The following TRAK1 variants were observed in gnomAD, a reference collection of about 807,000 sequenced individuals.
TRAK1 encodes trafficking kinesin protein 1.
TRAK1 carries 33 observed loss-of-function variants against 92.1 expected under a neutral mutation model. That is an observed-to-expected ratio of 0.36 (90% CI 0.27 to 0.48). The LOEUF (loss-of-function observed/expected upper bound fraction) is 0.48, where lower values mean the gene tolerates loss of function less well. TRAK1 is among the 20% of genes least tolerant of loss of function. TRAK1 has a pLI of 0.99. For missense variants in TRAK1, 1,123 were observed against 1,257.9 expected (o/e 0.89, Z 1.62); for synonymous variants, 521 against 517.3 (o/e 1.01, Z -0.10).
At chr3:42,060,401 A>G (rs1056501240) in intron 1 of TRAK1, among the ~76,000 whole-genome samples, 4 of 152,114 alleles carry the variant, frequency 2.6e-5, no homozygotes, top group Admixed American at 6.5e-5. Flanking sequence ...AGGGAATAGC[A>G]GATACCAAGA....
chr3:42,211,610 G>A, intron 14 of TRAK1: 1 of 985,360 alleles, frequency 1.0e-6, no homozygotes, highest in Non-Finnish European at 1.2e-6. Context: ...CTTACAGGTA[G>A]AATAGAAGGT....
At chr3:42,030,034 G>C (rs1270252885) in intron 1 of TRAK1, among the ~76,000 whole-genome samples, 3 of 151,914 alleles carry the variant, frequency 2.0e-5, no homozygotes, top group African/African-American at 7.3e-5. Flanking sequence ...AGGGACAGGA[G>C]CAGCCAAGGG....
At chr3:42,211,572 T>TA in intron 14 of TRAK1, 2 of 985,372 alleles carry the variant, frequency 2.0e-6, no homozygotes, top group Non-Finnish European at 2.4e-6. Context: ...GGGTAGGCCT[T>TA]ATGTTGATTG....
chr3:42,191,569 G>A lies in TRAK1; in HGVS notation c.702G>A (p.Leu234=), dbSNP rs748755351. 7.4e-5 allele frequency: 118 copies of A among 1,596,784 alleles called. No homozygotes were observed. Among genetic ancestry groups the A allele is most frequent in the Non-Finnish European group, 9.7e-5 (114 of 1,171,462 alleles). Residue 234 remains leucine, a synonymous_variant, in exon 7 of 16, where the codon CTG becomes CTA. Coordinates refer to ENST00000327628, the MANE Select transcript of TRAK1 (RefSeq NM_001042646.3). ...NVVLRSEASQ[L]KTETITYEEK... is the part of the protein sequence containing the mutation. ...GGTCTTGTCTACAGGCCAGCCAGCT[G>A]AAGACAGAGACCATCACCTATGAGG... is the stretch of plus-strand genomic sequence containing the variant.
chr3:42,037,396 C>T (rs1702364788), intron 1 of TRAK1, among the ~76,000 whole-genome samples: 1 of 152,198 alleles, frequency 6.6e-6, no homozygotes, highest in African/African-American at 2.4e-5. Context: ...AGGTCAGGGG[C>T]TTCATCTGAT....
chr3:42,140,257 G>A (rs1323218657), intron 2 of TRAK1, among the ~76,000 whole-genome samples: 1 of 152,158 alleles, frequency 6.6e-6, no homozygotes, highest in South Asian at 2.1e-4. Context: ...TTGGGAGGGG[G>A]TAGTTGACAG....
rs1237745754 is a variant in TRAK1, at chr3:42,014,256, C to G, written c.-519+139C>G. ...GCGCCGGGACCCTGCGGGGACAGCC[C>G]TCCTAATGCACCGGCCGCACCTGCA... On this transcript the variant is annotated intron_variant, in intron 1 of 16. Coordinates refer to the TRAK1 transcript ENST00000487159. 7 of 152,478 alleles carry G rather than the reference C, an allele frequency of 4.6e-5. No individual in the cohort carries two copies. The East Asian group carries it at 1.4e-3, about 30-fold the overall frequency. The allele number at this position is 152,478 out of a possible 1,614,324, so 9.4% of individuals were successfully genotyped here. A position where few individuals can be genotyped will look rare whatever the true frequency, so the allele number is the denominator to read the frequency against.
chr3:42,223,657 A>G lies in TRAK1; in HGVS notation c.2782A>G (p.Met928Val). 1 of 1,614,106 alleles carries G rather than the reference A, an allele frequency of 6.2e-7. No individual in the cohort carries two copies. The highest frequency in any genetic ancestry group is 8.5e-7 in the Non-Finnish European group (1 of 1,180,016). The change falls in exon 16 of 16, where the codon ATG becomes GTG. Residue 928 changes from methionine (M) to valine (V), a missense_variant. Around this residue, in one of 3 missense-constraint regions of TRAK1, gnomAD observed 401 missense variants for 438.9 expected, o/e 0.91. Transcript: ENST00000327628. The surrounding 1 kb of genome is among the most constrained non-coding windows in gnomAD (Gnocchi z 6.1). Reference sequence around the variant, plus strand: ...CTTCCCCACCATGGTGGGATCTAGCATGCAGATGAAAGCTCCTGTGACTCT... The same window carrying G: ...CTTCCCCACCATGGTGGGATCTAGCGTGCAGATGAAAGCTCCTGTGACTCT... ...RSFPTMVGSS[M>V]QMKAPVTLTS...
intron 1 of TRAK1, among the ~76,000 whole-genome samples, chr3:42,117,505 T>C (rs1380738474): frequency 6.6e-6 from 1 of 152,050 alleles, no homozygotes; most frequent in Non-Finnish European, 1.5e-5. Context: ...TCTCCTGTCT[T>C]TTATTCTTCC....
intron 3 of TRAK1, among the ~76,000 whole-genome samples, chr3:42,183,582 A>G (rs1392671791): frequency 3.3e-5 from 5 of 150,778 alleles, no homozygotes; most frequent in Admixed American, 3.3e-4. Context: ...GAAAGAAAGA[A>G]TCAATCTGTA....
chr3:42,206,243 C>T (rs763451074), intron 13 of TRAK1, among the ~76,000 whole-genome samples: 1 of 152,276 alleles, frequency 6.6e-6, no homozygotes, highest in South Asian at 2.1e-4. Context: ...AGGTGTTCTG[C>T]CCAGTTGATG....
At chr3:42,185,566 G>A (rs921009923) in intron 4 of TRAK1, among the ~76,000 whole-genome samples, 1 of 152,120 alleles carries the variant, frequency 6.6e-6, no homozygotes, top group Non-Finnish European at 1.5e-5. Context: ...GAAGCTTAGA[G>A]CCAGGCCCTA....
chr3:42,158,117 A>G (rs1700775761), intron 2 of TRAK1, among the ~76,000 whole-genome samples: 1 of 152,236 alleles, frequency 6.6e-6, no homozygotes, highest in African/African-American at 2.4e-5. Context: ...TGTGTAATAT[A>G]TAGAGTCTTG....
intron 15 of TRAK1, chr3:42,221,950 A>C (rs1577077849): frequency 7.1e-6 from 1 of 141,078 alleles, no homozygotes; most frequent in African/African-American, 3.2e-5. Context: ...GCAATTTTTG[A>C]CAGTTTTTAG....
intron 1 of TRAK1, among the ~76,000 whole-genome samples, chr3:42,038,787 C>CAAAA: frequency 1.6e-5 from 1 of 62,612 alleles, no homozygotes; most frequent in Non-Finnish European, 3.0e-5. Flanking sequence ...GACTTCATCT[C>CAAAA]AAAAAAAAAA....
At chr3:42,203,201 A>AT (rs35921270) in intron 13 of TRAK1, 796,261 of 1,072,054 alleles carry the variant, frequency 0.74, 295,476 homozygotes, top group East Asian at 0.97. Flanking sequence ...TTAAATGGGG[A>AT]TTTTTTTTTC....
intron 1 of TRAK1, among the ~76,000 whole-genome samples, chr3:42,105,688 A>G (rs753443555): frequency 2.0e-5 from 3 of 152,192 alleles, no homozygotes; most frequent in African/African-American, 7.2e-5. Flanking sequence ...GATACTCCTC[A>G]AGAAGAACAA....
At chr3:42,022,781 G>A (rs1701768213) in intron 1 of TRAK1, among the ~76,000 whole-genome samples, 1 of 151,384 alleles carries the variant, frequency 6.6e-6, no homozygotes, top group African/African-American at 2.4e-5. Flanking sequence ...CACAACAATT[G>A]AGTGTTAACT....
intron 14 of TRAK1, 133 bp from the exon 15 acceptor site, chr3:42,219,361 C>T: frequency 3.2e-6 from 5 of 1,558,954 alleles, no homozygotes; most frequent in Non-Finnish European, 3.5e-6. Flanking sequence ...ATTTGCGTTT[C>T]ACCTTCCTCG....
Sources: allele counts gnomAD v4.1 joint callset (sites outside exome capture counted in the v4.1 genomes callset), GRCh38; gene constraint gnomAD v4.1.1; regional missense constraint gnomAD v4.1.1; non-coding constraint Gnocchi (gnomAD v3.1); transcripts MANE v1.5; gene names NCBI Gene and HGNC (gene_info 2026-07-23, HGNC 2026-07-21).